UST: variants seen among roughly 807,000 people sequenced by gnomAD.
UST encodes uronyl 2-sulfotransferase, also known as chondroitin sulfate 2-O-sulfotransferase.
Under a neutral mutation model 45.6 loss-of-function variants are expected in UST, and 21 were observed. The ratio of observed to expected loss-of-function variants is 0.46; its 90% CI spans 0.33 to 0.66. The LOEUF (loss-of-function observed/expected upper bound fraction) is 0.66. UST is among the 30% of genes least tolerant of loss of function. UST has a pLI of 0.02. For synonymous variants in UST, 215 were observed against 200.6 expected, an observed-to-expected ratio of 1.07 and a Z score of -0.61; for missense variants, 463 against 512.4, an observed-to-expected ratio of 0.90 and a Z score of 0.93.
At chr6:148,865,020 G>A (rs148568487) in intron 1 of UST, among the ~76,000 whole-genome samples, 4 of 152,318 alleles carry the variant, frequency 2.6e-5, no homozygotes, top group African/African-American at 4.8e-5. Context: ...TGTACTCTGC[G>A]ATTTTTAGGC....
chr6:148,976,253 T>C (rs527909812), intron 5 of UST, among the ~76,000 whole-genome samples: 1 of 152,274 alleles, frequency 6.6e-6, no homozygotes, highest in Non-Finnish European at 1.5e-5. Flanking sequence ...CTCATAAATG[T>C]TTAATAACCA....
At chr6:149,033,565 A>C (rs1033064740) in intron 7 of UST, among the ~76,000 whole-genome samples, 2 of 152,202 alleles carry the variant, frequency 1.3e-5, no homozygotes, top group Admixed American at 6.5e-5. Flanking sequence ...GGTTCTAGTA[A>C]GCACGTTCAT....
chr6:148,964,012 G>T (rs1197580986), intron 4 of UST, among the ~76,000 whole-genome samples: 2 of 152,154 alleles, frequency 1.3e-5, no homozygotes, highest in Non-Finnish European at 2.9e-5. Flanking sequence ...CATTCACCGA[G>T]GGCCAATTGT....
At position 149,049,927 on chromosome 6, in the gene UST, T is replaced by TCACACA. The variant is rs1393383569; in HGVS notation, c.938-23905_938-23904insACACAC. Among the ~76,000 whole-genome samples, 420 of 130,582 alleles carry TCACACA rather than the reference T, an allele frequency of 3.2e-3. 3 individuals carry two copies. The highest frequency in any genetic ancestry group is 0.012 in the African/African-American group (388 of 32,022). The allele number at this position is 130,582 out of a possible 152,430, so 85.7% of individuals were successfully genotyped here. ...CACCTTGTCTCTCTCTCTCTCTCTC[T>TCACACA]CTCTCACACACACACACACACACAC... On this transcript the variant is annotated intron_variant, in intron 7 of 7. Coordinates refer to ENST00000367463, the MANE Select transcript of UST (RefSeq NM_005715.3).
At chr6:148,900,210 C>T (rs192953906) in intron 2 of UST, among the ~76,000 whole-genome samples, 2 of 152,264 alleles carry the variant, frequency 1.3e-5, no homozygotes, top group East Asian at 3.9e-4. Flanking sequence ...GAAGTCTCTC[C>T]TGGGGTCTTC....
chr6:148,912,629 C>G (rs754879187), intron 2 of UST, among the ~76,000 whole-genome samples: 1 of 152,170 alleles, frequency 6.6e-6, no homozygotes, highest in African/African-American at 2.4e-5. Context: ...CCTCCCTGGC[C>G]GGTCAGAGCC....
At chr6:149,016,358 GC>G (rs1393397504) in intron 5 of UST, among the ~76,000 whole-genome samples, 11 of 152,230 alleles carry the variant, frequency 7.2e-5, no homozygotes, top group Admixed American at 7.2e-4. Flanking sequence ...GCCAGCTGAT[GC>G]CCTCTGTCTA....
chr6:148,961,394 C>T (rs1438948437), intron 4 of UST, among the ~76,000 whole-genome samples: 1 of 152,038 alleles, frequency 6.6e-6, no homozygotes, highest in Non-Finnish European at 1.5e-5. Flanking sequence ...TGTGATCAGC[C>T]GTAGTCACCA....
In UST at chr6:149,075,086, CTG is replaced by C. The variant is rs751522627; in HGVS notation, c.*974_*975del. ...ATGTGGCATCAGGGAAAGGGCATGG[CTG>C]TGTCTTTTGCACCCAATATGAAACA... On this transcript the variant is annotated 3_prime_UTR_variant, in exon 8 of 8. Transcript: ENST00000367463. The C allele has an allele frequency of 2.2e-4, 34 of 152,234 alleles. No homozygotes were observed. Among genetic ancestry groups the C allele is most frequent in the Non-Finnish European group, 4.4e-4 (30 of 68,064 alleles). The allele number at this position is 152,234 out of a possible 1,614,324, so 9.4% of individuals were successfully genotyped here. A position where few individuals can be genotyped will look rare whatever the true frequency, so the allele number is the denominator to read the frequency against.
intron 1 of UST, among the ~76,000 whole-genome samples, chr6:148,843,599 T>C (rs1472728926): frequency 6.6e-6 from 1 of 152,188 alleles, no homozygotes; most frequent in African/African-American, 2.4e-5. Context: ...GGTAAGAAAA[T>C]TGAGGCTCTA....
At chr6:149,016,472 T>C (rs1775900588) in intron 5 of UST, among the ~76,000 whole-genome samples, 1 of 152,134 alleles carries the variant, frequency 6.6e-6, no homozygotes, top group East Asian at 1.9e-4. Context: ...GCCTTGTCTC[T>C]CTCCTTCTGC....
rs28648044 is a variant in UST at position 149,007,462 on chromosome 6, T to C, written c.682-11677T>C. 7.4e-5 allele frequency among the ~76,000 whole-genome samples: 8 copies of C among 107,820 alleles called. No homozygotes were observed. The South Asian group carries it at 2.4e-3, about 32-fold the overall frequency. 70.7% of individuals were successfully genotyped at this position (107,820 alleles called of 152,430 possible). On this transcript the variant is annotated intron_variant, in intron 5 of 7. Transcript: ENST00000367463. Reference sequence around the variant, plus strand: ...GCTACCACACCCAGCTAATTTTTTGTATTTTTTTTTTTTTTTTTTAGTAGA... The same window carrying C: ...GCTACCACACCCAGCTAATTTTTTGCATTTTTTTTTTTTTTTTTTAGTAGA...
At chr6:148,791,245 T>C (rs1031689227) in intron 1 of UST, among the ~76,000 whole-genome samples, 2 of 152,196 alleles carry the variant, frequency 1.3e-5, no homozygotes, top group African/African-American at 2.4e-5. Flanking sequence ...GGAACAATTA[T>C]CTGGCCCCAA....
intron 2 of UST, among the ~76,000 whole-genome samples, chr6:148,889,676 C>CT (rs886206283): frequency 1.3e-5 from 2 of 152,096 alleles, no homozygotes; most frequent in African/African-American, 4.8e-5. Context: ...GACCCAGACC[C>CT]TTTTTTTATG....
chr6:148,894,878 C>T (rs890732251), intron 2 of UST, among the ~76,000 whole-genome samples: 5 of 127,422 alleles, frequency 3.9e-5, no homozygotes, highest in South Asian at 2.6e-4. Context: ...AGTGTAGTGG[C>T]GCGATCTTGG....
intron 4 of UST, 104 bp downstream of exon 4, chr6:148,954,055 A>C: frequency 1.2e-6 from 1 of 826,294 alleles, no homozygotes; most frequent in Non-Finnish European, 1.8e-6. Context: ...CCTTGAAAAG[A>C]CATTTTTAAT....
At chr6:148,902,023 T>A (rs1019561287) in intron 2 of UST, among the ~76,000 whole-genome samples, 1 of 152,210 alleles carries the variant, frequency 6.6e-6, no homozygotes, top group African/African-American at 2.4e-5. Flanking sequence ...CCAGTTTTAT[T>A]CTAGCTTCCA....
intron 1 of UST, among the ~76,000 whole-genome samples, chr6:148,865,552 A>G (rs1199178080): frequency 1.3e-5 from 2 of 152,154 alleles, no homozygotes; most frequent in African/African-American, 4.8e-5. Context: ...AGAGAGAGAA[A>G]ACACCTGGTT....
rs1246902020 is a variant in UST at position 149,061,836 on chromosome 6, G to T, written c.938-11997G>T. Reference sequence around the variant, plus strand: ...CCACAGCAAAGTCCTTGGCACATAGGTCAAATGGATGTGATTGAATGACTG... The same window carrying T: ...CCACAGCAAAGTCCTTGGCACATAGTTCAAATGGATGTGATTGAATGACTG... On this transcript the variant is annotated intron_variant, in intron 7 of 7. Transcript: ENST00000367463. Among the ~76,000 whole-genome samples, 3 of 152,162 alleles carry T rather than the reference G, an allele frequency of 2.0e-5. No homozygotes were observed. The East Asian group carries it at 5.8e-4, about 29-fold the overall frequency.
Sources: allele counts gnomAD v4.1 joint callset (sites outside exome capture counted in the v4.1 genomes callset), GRCh38; gene constraint gnomAD v4.1.1; transcripts MANE v1.5; gene names NCBI Gene and HGNC (gene_info 2026-07-23, HGNC 2026-07-21).